USH1C: variants seen among roughly 807,000 people sequenced by gnomAD.
USH1C encodes USH1 protein network component harmonin, also known as harmonin.
A neutral mutation model predicts 119.3 loss-of-function variants in USH1C; 90 were observed. The ratio of observed to expected loss-of-function variants is 0.75; its 90% CI spans 0.64 to 0.90. USH1C has a LOEUF of 0.90. Among genes scored for constraint, USH1C ranks in the 40% least tolerant of loss-of-function variants. The probability of loss-of-function intolerance (pLI) is 0.00; values close to 1 mark genes in which losing one functional copy is unlikely to be tolerated. For synonymous variants in USH1C, 465 were observed against 443.3 expected, an observed-to-expected ratio of 1.05 and a Z score of -0.62; for missense variants, 1,165 against 1,167.7, an observed-to-expected ratio of 1.00 and a Z score of 0.03.
chr11:17,524,286 T>TC (rs1417668823), intron 9 of USH1C, among the ~76,000 whole-genome samples, 165 bp downstream of exon 9: 1 of 152,138 alleles, frequency 6.6e-6, no homozygotes, highest in Non-Finnish European at 1.5e-5. Context: ...GGGTCAAACA[T>TC]CCCCAGTCTG....
At position 17,531,130 on chromosome 11, in the gene USH1C, C is replaced by A. The variant is rs200291055; in HGVS notation, c.387+24G>T. ...AGGAGGTCCGAGGCCCTCGCTCCCC[C>A]TCCCCCGGACTCTGTTTGCTCACCT... On this transcript the variant is annotated intron_variant, in intron 4 of 26. Coordinates refer to ENST00000005226, the MANE Select transcript of USH1C (RefSeq NM_153676.4). This position sits in a 1 kb window ranked among gnomAD's most constrained non-coding sequence, Gnocchi z 4.2. The A allele has an allele frequency of 7.5e-5, 121 of 1,613,824 alleles. No individual in the cohort carries two copies. In the East Asian group the frequency reaches 2.6e-3, roughly 34 times the overall value.
In USH1C at chr11:17,531,630, C is replaced by A; in HGVS notation, c.105-88G>T. 1 of 1,556,516 alleles carries A rather than the reference C, an allele frequency of 6.4e-7. No homozygotes were observed. Among genetic ancestry groups the A allele is most frequent in the Non-Finnish European group, 8.7e-7 (1 of 1,149,810 alleles). ...TTCCAAGAGGAAGCCATTTCAGCCACTGGGCCCAGGCTTAGGAATGGAGTA... is the reference window on the plus strand; with the variant it reads ...TTCCAAGAGGAAGCCATTTCAGCCAATGGGCCCAGGCTTAGGAATGGAGTA... On this transcript the variant is annotated intron_variant, in intron 2 of 26. Coordinates refer to ENST00000005226, the MANE Select transcript of USH1C (RefSeq NM_153676.4). This position sits in a 1 kb window ranked among gnomAD's most constrained non-coding sequence, Gnocchi z 4.2.
intron 18 of USH1C, among the ~76,000 whole-genome samples, chr11:17,506,806 G>A (rs939549700): frequency 1.3e-5 from 2 of 151,994 alleles, no homozygotes. Flanking sequence ...TGCTTCCTCC[G>A]TCTCCACGCT....
At position 17,527,001 on chromosome 11, in the gene USH1C, G is replaced by A. The variant is rs1375969840; in HGVS notation, c.521+15C>T. On this transcript the variant is annotated intron_variant, in intron 6 of 26. Transcript: ENST00000005226. ...CCACAGGGAAGAGTTGGCCTGCAGA[G>A]GAGGGGCCTCTCACCTTTTCACGGG... The A allele has an allele frequency of 6.4e-7, 1 of 1,563,978 alleles. No homozygotes were observed. The highest frequency in any genetic ancestry group is 1.4e-5 in the African/African-American group (1 of 74,030).
chr11:17,523,967 A>T (rs1041308758), intron 9 of USH1C, among the ~76,000 whole-genome samples: 1 of 152,232 alleles, frequency 6.6e-6, no homozygotes, highest in East Asian at 1.9e-4. Context: ...GCAAACAGAC[A>T]TGAAGTAACT....
intron 8 of USH1C, among the ~76,000 whole-genome samples, chr11:17,524,976 C>T (rs1057186318): frequency 6.6e-6 from 1 of 152,250 alleles, no homozygotes; most frequent in East Asian, 1.9e-4. Flanking sequence ...AGCCTAGCTG[C>T]GACTACAGGT....
chr11:17,518,841 G>A (rs1418893408), intron 14 of USH1C, among the ~76,000 whole-genome samples: 2 of 152,178 alleles, frequency 1.3e-5, no homozygotes, highest in East Asian at 1.9e-4. Context: ...CCAACATAGT[G>A]AAACCCTGTC....
rs186782441 is a variant in USH1C at position 17,524,664 on chromosome 11, C to T, written c.675-129G>A. On this transcript the variant is annotated intron_variant, in intron 8 of 26. Transcript: ENST00000005226. ...ACCTCTTCAGCCTCTGTGTCCCTCT[C>T]CAGCCTGATTTCTACTGCTACCCTG... 4.3e-4 allele frequency: 454 copies of T among 1,044,598 alleles called. 3 individuals are homozygous for T. In the African/African-American group the frequency reaches 6.5e-3, roughly 15 times the overall value. 64.7% of individuals were successfully genotyped at this position (1,044,598 alleles called of 1,614,324 possible).
chr11:17,500,829 C>T lies in USH1C; in HGVS notation c.2380+222G>A, dbSNP rs534339827. 2.0e-5 allele frequency among the ~76,000 whole-genome samples: 3 copies of T among 152,324 alleles called. No individual in the cohort carries two copies. The East Asian group carries it at 5.8e-4, about 29-fold the overall frequency. ...GTCTCCCACCCTGGCTGGGGACCCC[C>T]TGAGGGCACGGTGGCATCTGGCTTG... On this transcript the variant is annotated intron_variant, in intron 23 of 26. Coordinates refer to ENST00000005226, the MANE Select transcript of USH1C (RefSeq NM_153676.4).
At position 17,501,866 on chromosome 11, in the gene USH1C, T is replaced by G. The variant is rs141851219; in HGVS notation, c.2226+73A>C. The G allele has an allele frequency of 5.2e-6, 8 of 1,551,650 alleles. No individual in the cohort carries two copies. In the Middle Eastern group the frequency reaches 6.8e-4, roughly 133 times the overall value. On this transcript the variant is annotated intron_variant, in intron 21 of 26. Transcript: ENST00000005226. ...GACCCCAAGGCCCAGAATGCACCAC[T>G]ATCAAACCCTCTAACCCCCACACTG...
At chr11:17,512,187 G>A (rs1012914950) in intron 15 of USH1C, 133 bp from the exon 16 acceptor site, 10 of 1,003,516 alleles carry the variant, frequency 1.0e-5, no homozygotes, top group African/African-American at 1.6e-5. Context: ...TCACCACTCT[G>A]GACATCAGAC....
chr11:17,505,140 T>G (rs551528430), intron 19 of USH1C, among the ~76,000 whole-genome samples: 2 of 152,234 alleles, frequency 1.3e-5, no homozygotes, highest in East Asian at 3.9e-4. Flanking sequence ...CCCAGCTCCC[T>G]TAGCCGTCAG....
chr11:17,498,872 A>G (rs1849337495), intron 23 of USH1C, among the ~76,000 whole-genome samples: 5 of 152,214 alleles, frequency 3.3e-5, no homozygotes, highest in Admixed American at 2.0e-4. Flanking sequence ...CCACACTGTC[A>G]GCTCCACGTG....
At chr11:17,516,900 C>T (rs1850173590) in intron 14 of USH1C, among the ~76,000 whole-genome samples, 1 of 152,126 alleles carries the variant, frequency 6.6e-6, no homozygotes, top group African/African-American at 2.4e-5. Context: ...TCATCCAGGC[C>T]AGATAGCCAG....
In USH1C at chr11:17,494,239, C is replaced by G; in HGVS notation, c.*93G>C. On this transcript the variant is annotated 3_prime_UTR_variant, in exon 27 of 27. Coordinates refer to ENST00000005226, the MANE Select transcript of USH1C (RefSeq NM_153676.4). Reference sequence around the variant, plus strand: ...AGATTCCTGGGTGATAGATTCAGGTCCCAAGGATGCCATCTGGTGTGTGTA... The same window carrying G: ...AGATTCCTGGGTGATAGATTCAGGTGCCAAGGATGCCATCTGGTGTGTGTA... The G allele has an allele frequency of 1.4e-6, 2 of 1,447,362 alleles. No homozygotes were observed. Among genetic ancestry groups the G allele is most frequent in the Non-Finnish European group, 1.9e-6 (2 of 1,050,712 alleles). 89.7% of individuals were successfully genotyped at this position (1,447,362 alleles called of 1,614,324 possible).
At chr11:17,516,139 A>G in intron 15 of USH1C, 102 bp downstream of exon 15, 1 of 1,314,538 alleles carries the variant, frequency 7.6e-7, no homozygotes, top group Non-Finnish European at 1.1e-6. Context: ...GAACAGGCCA[A>G]GTCACACCAT....
intron 21 of USH1C, among the ~76,000 whole-genome samples, 187 bp from the exon 22 acceptor site, chr11:17,501,722 GAC>G (rs930894273): frequency 2.0e-5 from 3 of 152,094 alleles, no homozygotes; most frequent in Admixed American, 6.5e-5. Context: ...GGGGACAGTG[GAC>G]ACACACACGT....
At chr11:17,525,733 C>G (rs922848878) in intron 8 of USH1C, among the ~76,000 whole-genome samples, 1 of 152,220 alleles carries the variant, frequency 6.6e-6, no homozygotes, top group Non-Finnish European at 1.5e-5. Flanking sequence ...AGAGCTGTGA[C>G]AGAGATGACC....
chr11:17,517,522 G>A (rs1210701025), intron 14 of USH1C: 1 of 1,544,032 alleles, frequency 6.5e-7, no homozygotes, highest in South Asian at 1.2e-5. Context: ...AGGGACTTGG[G>A]AGCCCAAGAG....
Sources: gnomAD v4.1 joint callset for allele counts (sites outside exome capture counted in the v4.1 genomes callset) on GRCh38, gnomAD v4.1.1 for gene constraint, Gnocchi (gnomAD v3.1) non-coding constraint, MANE v1.5 for transcripts, NCBI Gene and HGNC (gene_info 2026-07-23, HGNC 2026-07-21) for gene names.